TBC1D15: variants seen among roughly 807,000 people sequenced by gnomAD.
The protein encoded by TBC1D15 is TBC1 domain family member 15, also known as GAP for RAB7.
A neutral mutation model predicts 95.4 loss-of-function variants in TBC1D15; 39 were observed. The observed-to-expected ratio is 0.41, with a 90% confidence interval of 0.32 to 0.53. TBC1D15 has a LOEUF of 0.53. Ranked by LOEUF, TBC1D15 falls within the 20% of genes least tolerant of loss-of-function variation. The pLI is 0.29. For synonymous variants in TBC1D15, 258 were observed against 261.3 expected (o/e 0.99, Z 0.12); for missense variants, 733 against 794.3 (o/e 0.92, Z 0.93).
At chr12:71,907,843 T>C (rs1452003571) in intron 11 of TBC1D15, 2 of 152,244 alleles carry the variant, frequency 1.3e-5, no homozygotes, top group Non-Finnish European at 2.9e-5. Context: ...TACTCTTTTT[T>C]TGGTAAATCT....
chr12:71,882,967 C>T (rs1895505262), intron 4 of TBC1D15, among the ~76,000 whole-genome samples: 1 of 152,054 alleles, frequency 6.6e-6, no homozygotes, highest in African/African-American at 2.4e-5. Flanking sequence ...AAAACCTTTA[C>T]TCTTGAATAT....
intron 1 of TBC1D15, among the ~76,000 whole-genome samples, chr12:71,862,047 A>T (rs892666478): frequency 1.3e-5 from 2 of 152,178 alleles, no homozygotes; most frequent in African/African-American, 4.8e-5. Context: ...GATACTTCTT[A>T]TAATCTCAGT....
intron 16 of TBC1D15, 79 bp from the exon 17 acceptor site, chr12:71,922,904 T>A (rs1555207885): frequency 3.8e-6 from 5 of 1,301,770 alleles, no homozygotes. Flanking sequence ...ATCAATGTAG[T>A]CTTAAACAGA....
chr12:71,908,537 G>A (rs182667947), intron 11 of TBC1D15, among the ~76,000 whole-genome samples: 133 of 152,184 alleles, frequency 8.7e-4, no homozygotes, highest in South Asian at 2.1e-4. Context: ...AATTTCTCTT[G>A]GTTTCCCATA....
Position 71,918,527 on chromosome 12 carries a change from A to C in TBC1D15, c.1578A>C (p.Leu526=). 1 of 1,602,604 alleles carries C rather than the reference A, an allele frequency of 6.2e-7. No individual in the cohort carries two copies. Among genetic ancestry groups the C allele is most frequent in the Non-Finnish European group, 8.5e-7 (1 of 1,174,000 alleles). ...LIRFKREFSF[L]DILRLWEVMW... Reference sequence around the variant, plus strand: ...GATTCAAAAGGGAATTTAGTTTTCTAGATATTCTTCGATTATGGGAGGTAA... The same window carrying C: ...GATTCAAAAGGGAATTTAGTTTTCTCGATATTCTTCGATTATGGGAGGTAA... Residue 526 remains leucine (L), a synonymous_variant, in exon 14 of 17, where the codon CTA becomes CTC. Coordinates refer to ENST00000485960, the MANE Select transcript of TBC1D15 (RefSeq NM_001146213.3).
chr12:71,865,973 G>A (rs1434340093), intron 1 of TBC1D15, among the ~76,000 whole-genome samples: 1 of 152,036 alleles, frequency 6.6e-6, no homozygotes, highest in African/African-American at 2.4e-5. Flanking sequence ...TTTCAACTTG[G>A]GAACTGGGGA....
rs955536845 is a variant in TBC1D15 at position 71,888,990 on chromosome 12, G to A, written c.554+3969G>A. Among the ~76,000 whole-genome samples the A allele has an allele frequency of 4.6e-5, 7 of 151,960 alleles. No individual in the cohort carries two copies. The East Asian group carries it at 1.2e-3, about 25-fold the overall frequency. ...TTAAGTTGCAGCTATAATAAGTGCCGTGAATAAGACATATGGCAATATAAA... is the reference window on the plus strand; with the variant it reads ...TTAAGTTGCAGCTATAATAAGTGCCATGAATAAGACATATGGCAATATAAA... On this transcript the variant is annotated intron_variant, in intron 5 of 16. Coordinates refer to ENST00000485960, the MANE Select transcript of TBC1D15 (RefSeq NM_001146213.3).
intron 4 of TBC1D15, among the ~76,000 whole-genome samples, chr12:71,882,662 G>A (rs1895438859): frequency 6.6e-6 from 1 of 152,230 alleles, no homozygotes; most frequent in Non-Finnish European, 1.5e-5. Context: ...AGAATGCTTT[G>A]CAGTTTAGTT....
At chr12:71,903,034 C>T (rs1229035547) in intron 10 of TBC1D15, among the ~76,000 whole-genome samples, 2 of 152,178 alleles carry the variant, frequency 1.3e-5, no homozygotes, top group Non-Finnish European at 2.9e-5. Context: ...GCGTCAGCCT[C>T]CCGGGTAGCT....
chr12:71,860,255 A>G (rs1890090238), intron 1 of TBC1D15, among the ~76,000 whole-genome samples: 1 of 152,098 alleles, frequency 6.6e-6, no homozygotes, highest in Non-Finnish European at 1.5e-5. Flanking sequence ...GTGGTTCCAT[A>G]TGAATTTTAG....
Position 71,887,462 on chromosome 12 carries a change from G to A in TBC1D15, c.554+2441G>A, listed in dbSNP as rs117156501. Among the ~76,000 whole-genome samples the A allele has an allele frequency of 3.7e-3, 569 of 152,194 alleles. 3 individuals carry two copies. Among genetic ancestry groups the A allele is most frequent in the South Asian group, 0.016 (78 of 4,822 alleles). ...ATCAACAAGGGCCTGCCCTATCTTA[G>A]CTCTGTTTATCTCTTAAAACTCATC... On this transcript the variant is annotated intron_variant, in intron 5 of 16. Coordinates refer to ENST00000485960, the MANE Select transcript of TBC1D15 (RefSeq NM_001146213.3).
intron 12 of TBC1D15, among the ~76,000 whole-genome samples, chr12:71,915,649 G>C (rs1279259543): frequency 6.6e-6 from 1 of 151,954 alleles, no homozygotes; most frequent in Non-Finnish European, 1.5e-5. Flanking sequence ...ACACTTTACA[G>C]TCCGTCATTT....
rs1484038883 is a variant in TBC1D15 at position 71,884,903 on chromosome 12, G to A, written c.436G>A (p.Gly146Ser). ...AATCAAGCAAAACAAAGAGGGTATG[G>A]GCTGGTCCTATTTGGTATTCTGTCT... ...KSIKQNKEGM[G>S]WSYLVFCLKD... The change falls in exon 5 of 17, where the codon GGC becomes AGC. Residue 146 changes from glycine to serine, a missense_variant. Transcript: ENST00000485960. 2 of 1,613,880 alleles carry A rather than the reference G, an allele frequency of 1.2e-6. No homozygotes were observed. The highest frequency in any genetic ancestry group is 2.2e-5 in the East Asian group (1 of 44,864).
At chr12:71,911,616 A>T (rs1196526572) in intron 11 of TBC1D15, among the ~76,000 whole-genome samples, 1 of 110,250 alleles carries the variant, frequency 9.1e-6, no homozygotes, top group Admixed American at 1.3e-4. Flanking sequence ...CACTCTGGGG[A>T]CTGTTGTGGG....
At chr12:71,848,354 A>G (rs978719698) in intron 1 of TBC1D15, among the ~76,000 whole-genome samples, 1 of 152,122 alleles carries the variant, frequency 6.6e-6, no homozygotes, top group Non-Finnish European at 1.5e-5. Flanking sequence ...CCCATATTTA[A>G]TGTCAGTCAT....
intron 2 of TBC1D15, 121 bp from the exon 3 acceptor site, chr12:71,872,805 ATGT>A (rs1892966150): frequency 3.2e-6 from 2 of 616,606 alleles, no homozygotes; most frequent in Non-Finnish European, 5.5e-6. Flanking sequence ...TTTACATATG[ATGT>A]TAGCATATTT....
chr12:71,908,154 CAG>C (rs947547445), intron 11 of TBC1D15, among the ~76,000 whole-genome samples: 3 of 151,908 alleles, frequency 2.0e-5, no homozygotes, highest in Non-Finnish European at 4.4e-5. Flanking sequence ...GCCTGGGTGA[CAG>C]AGCGAGACTC....
chr12:71,909,729 G>A (rs940308615), intron 11 of TBC1D15, among the ~76,000 whole-genome samples: 67 of 151,908 alleles, frequency 4.4e-4, no homozygotes, highest in African/African-American at 1.4e-3. Flanking sequence ...TTCATTTCTC[G>A]CCTGCCCCCC....
chr12:71,896,827 C>T (rs1304742656), intron 9 of TBC1D15, 47 bp downstream of exon 9: 4 of 1,462,428 alleles, frequency 2.7e-6, no homozygotes, highest in Non-Finnish European at 3.8e-6. Context: ...TCAAGTAACC[C>T]ACTCATACAA....
Sources: gnomAD v4.1 joint callset for allele counts (sites outside exome capture counted in the v4.1 genomes callset) on GRCh38, gnomAD v4.1.1 for gene constraint, MANE v1.5 for transcripts, NCBI Gene and HGNC (gene_info 2026-07-23, HGNC 2026-07-21) for gene names.